Variants in HM13 observed in about 807,000 individuals in gnomAD.
HM13 encodes histocompatibility minor 13.
HM13 carries 18 observed loss-of-function variants against 50.0 expected under a neutral mutation model. The observed-to-expected ratio is 0.36, with a 90% confidence interval of 0.25 to 0.53. HM13 has a LOEUF of 0.53. HM13 is among the 20% of genes least tolerant of loss of function. The pLI is 0.90. For synonymous variants in HM13, 197 were observed against 232.6 expected, an observed-to-expected ratio of 0.85 and a Z score of 1.39; for missense variants, 393 against 552.4, an observed-to-expected ratio of 0.71 and a Z score of 2.89.
At chr20:31,526,404 G>A (rs187099514) in intron 1 of HM13, among the ~76,000 whole-genome samples, 5 of 152,126 alleles carry the variant, frequency 3.3e-5, no homozygotes, top group African/African-American at 4.8e-5. Context: ...TGATCCACCC[G>A]CCTCGGCCTC....
intron 3 of HM13, 111 bp from the exon 4 acceptor site, chr20:31,544,836 C>A: frequency 1.2e-6 from 1 of 814,240 alleles, no homozygotes; most frequent in Non-Finnish European, 2.1e-6. Context: ...ACAGTAACAC[C>A]TACCTATCAG....
At chr20:31,548,912 C>A (rs112473950) in intron 4 of HM13, 117 bp from the exon 5 acceptor site, 1 of 914,716 alleles carries the variant, frequency 1.1e-6, no homozygotes, top group Non-Finnish European at 1.8e-6. Context: ...GGCTTAGCCC[C>A]GCCAGCCTGT....
intron 1 of HM13, among the ~76,000 whole-genome samples, chr20:31,520,493 A>G (rs1047107054): frequency 2.0e-5 from 3 of 148,390 alleles, no homozygotes; most frequent in African/African-American, 7.5e-5. Flanking sequence ...TAGTAGTGAC[A>G]GGGTTTCACC....
At chr20:31,538,748 G>A in intron 3 of HM13, 1 of 680,872 alleles carries the variant, frequency 1.5e-6, no homozygotes, top group Non-Finnish European at 1.8e-6. Context: ...CTGTGATCTT[G>A]GGCAAGTTAC....
At chr20:31,518,505 G>T (rs1455085101) in intron 1 of HM13, among the ~76,000 whole-genome samples, 1 of 151,398 alleles carries the variant, frequency 6.6e-6, no homozygotes, top group Admixed American at 6.6e-5. Context: ...AATTAGCTTT[G>T]TGTGGTGGGG....
Position 31,517,262 on chromosome 20 carries a change from A to G in HM13, c.183+2528A>G, listed in dbSNP as rs565745490. Among the ~76,000 whole-genome samples, 5 of 152,314 alleles carry G rather than the reference A, an allele frequency of 3.3e-5. No individual in the cohort carries two copies. The South Asian group carries it at 1.0e-3, about 32-fold the overall frequency. ...AACAGGCAGGGAAAATTGTGAAATC[A>G]TGGAGAGAAAGAAGGTAGAGCCTCC... On this transcript the variant is annotated intron_variant, in intron 1 of 12. Coordinates refer to ENST00000398174, the MANE Select transcript of HM13 (RefSeq NM_178581.3).
intron 1 of HM13, among the ~76,000 whole-genome samples, chr20:31,523,193 G>A (rs543475786): frequency 5.1e-4 from 78 of 151,894 alleles, no homozygotes; most frequent in African/African-American, 1.7e-3. Context: ...TGGGACCATA[G>A]GCGCACAATA....
intron 1 of HM13, among the ~76,000 whole-genome samples, chr20:31,521,029 G>A (rs1982126378): frequency 6.6e-6 from 1 of 152,220 alleles, no homozygotes. Context: ...TCTGCTGTTT[G>A]TGTCAGGTTT....
chr20:31,561,537 C>A (rs1984612538), intron 9 of HM13, 97 bp from the exon 10 acceptor site: 2 of 839,150 alleles, frequency 2.4e-6, no homozygotes, highest in South Asian at 1.4e-5. Context: ...CACCCCCCCA[C>A]AACCTCTAGG....
At chr20:31,548,345 T>C in intron 4 of HM13, 1 of 302,194 alleles carries the variant, frequency 3.3e-6, no homozygotes, top group Non-Finnish European at 6.3e-6. Context: ...TTGGAAGCAA[T>C]TGAGAATGGT....
intron 2 of HM13, among the ~76,000 whole-genome samples, chr20:31,536,530 G>A (rs906002203): frequency 1.3e-5 from 2 of 152,056 alleles, no homozygotes; most frequent in Non-Finnish European, 2.9e-5. Flanking sequence ...CTCTCATGCT[G>A]TCTGATCATG....
Position 31,532,564 on chromosome 20 carries a change from TTC to T in HM13, c.282+4990_282+4991del, listed in dbSNP as rs199527071. On this transcript the variant is annotated intron_variant, in intron 2 of 12. Transcript: ENST00000398174. ...ATCCACCTCCATTTCCCACCTTCAT[TTC>T]TCTCTCTGCCAGAGGCAGCTGCTTT... Among the ~76,000 whole-genome samples, 644 of 152,278 alleles carry T rather than the reference TTC, an allele frequency of 4.2e-3. 6 individuals are homozygous for T. The highest frequency in any genetic ancestry group is 0.015 in the African/African-American group (608 of 41,546).
At chr20:31,557,018 C>CAA (rs11479053) in intron 8 of HM13, among the ~76,000 whole-genome samples, 4 of 100,466 alleles carry the variant, frequency 4.0e-5, no homozygotes, top group African/African-American at 6.1e-5. Context: ...GACTCCATCT[C>CAA]AAAAAAAAAA....
At chr20:31,562,377 G>A (rs1358342266) in intron 10 of HM13, 2 of 155,598 alleles carry the variant, frequency 1.3e-5, no homozygotes, top group East Asian at 3.8e-4. Context: ...ACTTCCACAT[G>A]TCAGGCTCTG....
chr20:31,532,737 C>A (rs1017613083), intron 2 of HM13, among the ~76,000 whole-genome samples: 5 of 152,202 alleles, frequency 3.3e-5, no homozygotes, highest in African/African-American at 1.2e-4. Context: ...CTCTCTGTAC[C>A]TTAAGATCTC....
In HM13 at chr20:31,527,136, G is replaced by A. The variant is rs369165079; in HGVS notation, c.184-348G>A. ...CAGGTGGATCACTTGAGGTCAGTTC[G>A]AGACCAGCCTAGCCAACATGGTAAA... On this transcript the variant is annotated intron_variant, in intron 1 of 12. Transcript: ENST00000398174. Among the ~76,000 whole-genome samples the A allele has an allele frequency of 3.3e-5, 5 of 152,230 alleles. No individual in the cohort carries two copies. The South Asian group carries it at 6.2e-4, about 19-fold the overall frequency.
At chr20:31,531,398 A>ATT (rs559250021) in intron 2 of HM13, among the ~76,000 whole-genome samples, 4 of 134,462 alleles carry the variant, frequency 3.0e-5, no homozygotes, top group South Asian at 2.4e-4. Context: ...TTGGATCGGA[A>ATT]TTTTTTTTTT....
At chr20:31,553,069 G>A (rs552923310) in intron 7 of HM13, among the ~76,000 whole-genome samples, 22 of 152,166 alleles carry the variant, frequency 1.4e-4, no homozygotes, top group African/African-American at 5.1e-4. Context: ...AAGCTGAGGT[G>A]GGCAGATCAC....
rs1348052802 is a variant in HM13 at position 31,514,868 on chromosome 20, G to A, written c.183+134G>A. ...AGCCCTGATCACCACCGTTCCCTCT[G>A]TCTCGGGCCCACATTCCGGGGCTGG... On this transcript the variant is annotated intron_variant, in intron 1 of 12. Transcript: ENST00000398174. This position sits in a 1 kb window ranked among gnomAD's most constrained non-coding sequence, Gnocchi z 4.3. The A allele has an allele frequency of 6.4e-5, 60 of 933,046 alleles. No homozygotes were observed. The highest frequency in any genetic ancestry group is 7.7e-5 in the Non-Finnish European group (51 of 660,236). The allele number at this position is 933,046 out of a possible 1,614,324, so 57.8% of individuals were successfully genotyped here. A position where few individuals can be genotyped will look rare whatever the true frequency, so the allele number is the denominator to read the frequency against.
Sources: gnomAD v4.1 joint callset for allele counts (sites outside exome capture counted in the v4.1 genomes callset) on GRCh38, gnomAD v4.1.1 for gene constraint, Gnocchi (gnomAD v3.1) non-coding constraint, MANE v1.5 for transcripts, NCBI Gene and HGNC (gene_info 2026-07-23, HGNC 2026-07-21) for gene names.